SLC43A2: variants seen among roughly 807,000 people sequenced by gnomAD.
The protein encoded by SLC43A2 is large neutral amino acids transporter small subunit 4.
Under a neutral mutation model 63.2 loss-of-function variants are expected in SLC43A2, and 38 were observed. The observed-to-expected ratio is 0.60, with a 90% CI of 0.46 to 0.79. The LOEUF (loss-of-function observed/expected upper bound fraction) is 0.79, where lower values mean the gene tolerates loss of function less well. Ranked by LOEUF, SLC43A2 falls within the 30% of genes least tolerant of loss-of-function variation. The pLI is 0.00. For missense variants in SLC43A2, 644 were observed against 756.2 expected (o/e 0.85, Z 1.74); for synonymous variants, 322 against 331.0 (o/e 0.97, Z 0.30).
chr17:1,591,712 G>T lies in SLC43A2; in HGVS notation c.595-13C>A, dbSNP rs777816781. On this transcript the variant is annotated splice_polypyrimidine_tract_variant and intron_variant, in intron 6 of 13. Coordinates refer to ENST00000301335, the MANE Select transcript of SLC43A2 (RefSeq NM_152346.3). ...CATCATAGATGAGCTGACAGGCACCGCGGGGACGGGGTGGGGGGGGGAGGG... is the reference window on the plus strand; with the variant it reads ...CATCATAGATGAGCTGACAGGCACCTCGGGGACGGGGTGGGGGGGGGAGGG... The T allele has an allele frequency of 2.5e-5, 31 of 1,223,024 alleles. No homozygotes were observed. The highest frequency in any genetic ancestry group is 3.5e-5 in the Non-Finnish European group (31 of 881,562). The allele number at this position is 1,223,024 out of a possible 1,614,324, so 75.8% of individuals were successfully genotyped here.
At chr17:1,585,341 A>T in intron 10 of SLC43A2, 1 of 669,578 alleles carries the variant, frequency 1.5e-6, no homozygotes, top group South Asian at 4.0e-5. Flanking sequence ...TCCCGGGTTC[A>T]AGCAATTCTC....
At chr17:1,628,000 A>G (rs933021017) in intron 1 of SLC43A2, 80 bp from the exon 2 acceptor site, 278 of 1,232,050 alleles carry the variant, frequency 2.3e-4, no homozygotes, top group Non-Finnish European at 2.6e-4. Flanking sequence ...CCGCTGCCGC[A>G]GGGCTCGGGA....
At chr17:1,624,885 G>C (rs1486582760) in intron 2 of SLC43A2, among the ~76,000 whole-genome samples, 2 of 152,138 alleles carry the variant, frequency 1.3e-5, no homozygotes, top group African/African-American at 2.4e-5. Context: ...AACAGAGCGA[G>C]ACCCTGTCTC....
intron 2 of SLC43A2, among the ~76,000 whole-genome samples, chr17:1,622,192 A>T (rs1010334330): frequency 5.3e-5 from 8 of 152,242 alleles, no homozygotes; most frequent in Non-Finnish European, 5.9e-5. Context: ...TTGCTATGGA[A>T]TTTTTAAAAT....
At chr17:1,609,812 GTTC>G (rs1906934027) in intron 5 of SLC43A2, among the ~76,000 whole-genome samples, 2 of 148,908 alleles carry the variant, frequency 1.3e-5, no homozygotes, top group Admixed American at 1.3e-4. Flanking sequence ...AGTTATCACA[GTTC>G]TTTTTTTTTT....
intron 5 of SLC43A2, 92 bp downstream of exon 5, chr17:1,613,103 C>T (rs1468820053): frequency 8.5e-7 from 1 of 1,170,498 alleles, no homozygotes; most frequent in Non-Finnish European, 1.2e-6. Flanking sequence ...CATGCAGGCA[C>T]ATGGAAGGCA....
chr17:1,619,125 T>C (rs1907932933), intron 2 of SLC43A2, among the ~76,000 whole-genome samples: 2 of 151,960 alleles, frequency 1.3e-5, no homozygotes, highest in South Asian at 4.2e-4. Flanking sequence ...GCCAATATGG[T>C]GAAACCCCAT....
intron 2 of SLC43A2, among the ~76,000 whole-genome samples, chr17:1,618,361 G>C (rs1907866017): frequency 6.6e-6 from 1 of 152,190 alleles, no homozygotes; most frequent in Non-Finnish European, 1.5e-5. Context: ...GAAGATCAAT[G>C]AGAAAAATTC....
At position 1,593,271 on chromosome 17, in the gene SLC43A2, G is replaced by A. The variant is rs150348636; in HGVS notation, c.510C>T (p.Asn170=). The change falls in exon 6 of 14, where the codon AAC becomes AAT. Residue 170 remains asparagine, a synonymous_variant. Coordinates refer to ENST00000301335, the MANE Select transcript of SLC43A2 (RefSeq NM_152346.3). The surrounding 1 kb of genome is among the most constrained non-coding windows in gnomAD (Gnocchi z 5.3). The part of the protein sequence containing the change: ...CMTFTSLTLP[N]MFGDLRSTFI... ...ACGTGGACCGAAGGTCGCCGAACAT[G>A]TTGGGCAGCTGAGAGATAAGAAGCA... 4.2e-4 allele frequency: 675 copies of A among 1,613,784 alleles called. No individual in the cohort carries two copies. The African/African-American group carries it at 4.6e-3, about 11-fold the overall frequency.
chr17:1,614,943 G>C, intron 4 of SLC43A2, 36 bp downstream of exon 4: 6 of 1,608,964 alleles, frequency 3.7e-6, no homozygotes, highest in Admixed American at 1.7e-5. Context: ...CTCTCTCCCC[G>C]GTCCCTGACA....
At chr17:1,589,003 C>T (rs142760398) in intron 9 of SLC43A2, among the ~76,000 whole-genome samples, 1 of 152,214 alleles carries the variant, frequency 6.6e-6, no homozygotes, top group Non-Finnish European at 1.5e-5. Flanking sequence ...GAAAGTGACC[C>T]GGACCCTGCA....
intron 9 of SLC43A2, chr17:1,586,927 A>AGGGGGCCCCCCCCCCCCCCCCCCCC: frequency 7.4e-7 from 1 of 1,355,944 alleles, no homozygotes; most frequent in Non-Finnish European, 1.0e-6. Flanking sequence ...TTCCCTGACA[A>AGGGGGCCCCCCCCCCCCCCCCCCCC]TCCCCCCCAC....
chr17:1,595,195 G>A (rs936845917), intron 5 of SLC43A2, among the ~76,000 whole-genome samples: 1 of 151,870 alleles, frequency 6.6e-6, no homozygotes, highest in African/African-American at 2.4e-5. Flanking sequence ...GCAGGAAAAT[G>A]GCTTGAACCC....
intron 5 of SLC43A2, among the ~76,000 whole-genome samples, chr17:1,594,880 G>T (rs62088019): frequency 0.22 from 32,791 of 151,636 alleles, 4,188 homozygotes; most frequent in Non-Finnish European, 0.29. Flanking sequence ...GAGCCACCGC[G>T]CCCAACCTTT....
At chr17:1,588,635 C>T (rs1904439091) in intron 9 of SLC43A2, among the ~76,000 whole-genome samples, 2 of 140,640 alleles carry the variant, frequency 1.4e-5, no homozygotes, top group Admixed American at 7.8e-5. Context: ...AGTCGGAGGC[C>T]GTGGTGAGCT....
At chr17:1,627,683 G>GA in intron 2 of SLC43A2, 32 bp downstream of exon 2, 1 of 1,358,406 alleles carries the variant, frequency 7.4e-7, no homozygotes, top group South Asian at 1.5e-5. Context: ...CCAGCTCCAG[G>GA]AGCCCCCCGC....
intron 3 of SLC43A2, 120 bp downstream of exon 3, chr17:1,616,442 G>T: frequency 1.1e-6 from 1 of 947,446 alleles, no homozygotes; most frequent in Non-Finnish European, 1.6e-6. Context: ...ATTCTGGAGG[G>T]CCTTCAGGGA....
At chr17:1,618,755 C>T (rs536964125) in intron 2 of SLC43A2, among the ~76,000 whole-genome samples, 36 of 152,276 alleles carry the variant, frequency 2.4e-4, no homozygotes, top group Non-Finnish European at 4.9e-4. Context: ...GAGGCAGAGG[C>T]GGGTGGATCG....
chr17:1,586,892 C>CCCAGA, intron 9 of SLC43A2: 2 of 1,524,976 alleles, frequency 1.3e-6, no homozygotes, highest in South Asian at 1.2e-5. Context: ...TGAACAGAGA[C>CCCAGA]TGGCTGGGAG....
Sources: allele counts gnomAD v4.1 joint callset (sites outside exome capture counted in the v4.1 genomes callset), GRCh38; gene constraint gnomAD v4.1.1; non-coding constraint Gnocchi (gnomAD v3.1); transcripts MANE v1.5; gene names NCBI Gene and HGNC (gene_info 2026-07-23, HGNC 2026-07-21).